The following LAMB4 variants were observed in gnomAD, a reference collection of about 807,000 sequenced individuals.
LAMB4 encodes laminin subunit beta-4.
A neutral mutation model predicts 199.2 loss-of-function variants in LAMB4; 196 were observed. The observed-to-expected ratio is 0.98, with a 90% confidence interval of 0.88 to 1.11. The LOEUF (loss-of-function observed/expected upper bound fraction) is 1.11, where lower values mean the gene tolerates loss of function less well. LAMB4 is among the 50% of genes least tolerant of loss of function. The pLI is 0.00. For synonymous variants in LAMB4, 744 were observed against 770.6 expected, an observed-to-expected ratio of 0.97 and a Z score of 0.57; for missense variants, 2,080 against 2,171.2, an observed-to-expected ratio of 0.96 and a Z score of 0.83.
Position 108,039,711 on chromosome 7 carries a change from C to T in LAMB4, c.4472-2116G>A, listed in dbSNP as rs529356997. ...CTCACACTCCTGAACTCATGTGATC[C>T]GCCTGCCTCGGCCTCCCAAAGTGCT... On this transcript the variant is annotated intron_variant, in intron 29 of 33. Transcript: ENST00000388781. Among the ~76,000 whole-genome samples, 13 of 152,214 alleles carry T rather than the reference C, an allele frequency of 8.5e-5. No homozygotes were observed. The East Asian group carries it at 1.9e-3, about 23-fold the overall frequency.
chr7:108,015,872 T>G, the LAMB4 span, among the ~76,000 whole-genome samples: 6 of 152,136 alleles, frequency 3.9e-5, no homozygotes, highest in Admixed American at 3.3e-4. Flanking sequence ...CCCCCCAGAT[T>G]ATACAGTTTT....
rs1327560665 is a variant in LAMB4 at position 108,094,596 on chromosome 7, A to C, written c.1470+632T>G. 2.0e-5 allele frequency among the ~76,000 whole-genome samples: 3 copies of C among 150,730 alleles called. No individual in the cohort carries two copies. In the East Asian group the frequency reaches 5.8e-4, roughly 29 times the overall value. Reference sequence around the variant, plus strand: ...TTGTGGGTTTTTTTTTTTTCTCTCTAAAATGTCATGGTGAGCTGCCAAGAT... The same window carrying C: ...TTGTGGGTTTTTTTTTTTTCTCTCTCAAATGTCATGGTGAGCTGCCAAGAT... On this transcript the variant is annotated intron_variant, in intron 12 of 33. Transcript: ENST00000388781.
chr7:108,038,229 G>A (rs2035295333), intron 29 of LAMB4, among the ~76,000 whole-genome samples: 2 of 151,602 alleles, frequency 1.3e-5, no homozygotes, highest in South Asian at 4.2e-4. Context: ...GCACAATCTC[G>A]GCTTACTGCA....
At chr7:108,065,685 T>A in intron 21 of LAMB4, 77 bp downstream of exon 21, 1 of 1,243,064 alleles carries the variant, frequency 8.0e-7, no homozygotes. Flanking sequence ...GACAGATAAG[T>A]CATGAATATA....
At chr7:108,078,977 A>G (rs1281533833) in intron 15 of LAMB4, among the ~76,000 whole-genome samples, 1 of 152,196 alleles carries the variant, frequency 6.6e-6, no homozygotes, top group Non-Finnish European at 1.5e-5. Flanking sequence ...GGGAGCCTCT[A>G]AGACCACACC....
chr7:108,122,433 A>G (rs1399376347), intron 2 of LAMB4, among the ~76,000 whole-genome samples: 1 of 152,172 alleles, frequency 6.6e-6, no homozygotes, highest in Admixed American at 6.5e-5. Context: ...ATGAGTGCTT[A>G]CCATCTGGAC....
intron 14 of LAMB4, among the ~76,000 whole-genome samples, chr7:108,084,408 A>C (rs964138615): frequency 9.9e-5 from 15 of 151,750 alleles, no homozygotes; most frequent in South Asian, 2.1e-4. Context: ...CCCATGCTTG[A>C]TTTAATGCTT....
intron 10 of LAMB4, among the ~76,000 whole-genome samples, chr7:108,099,471 G>C (rs772910013): frequency 6.6e-6 from 1 of 152,180 alleles, no homozygotes; most frequent in Non-Finnish European, 1.5e-5. Context: ...AAATAGTTAG[G>C]GGTGCCCAAT....
downstream of LAMB4, among the ~76,000 whole-genome samples, chr7:108,020,411 C>T (rs2034665784): frequency 7.1e-6 from 1 of 140,538 alleles, no homozygotes; most frequent in South Asian, 2.2e-4. Flanking sequence ...GCAGAGGTTG[C>T]AGTGAGCCGA....
intron 3 of LAMB4, among the ~76,000 whole-genome samples, chr7:108,112,651 ATT>A (rs1259616898): frequency 1.3e-5 from 2 of 152,198 alleles, no homozygotes; most frequent in Non-Finnish European, 2.9e-5. Flanking sequence ...AGTTTGCTTA[ATT>A]TAATGCATCT....
Position 108,055,813 on chromosome 7 carries a change from C to G in LAMB4, c.3574G>C (p.Ala1192Pro), listed in dbSNP as rs777632902. 2 of 1,614,190 alleles carry G rather than the reference C, an allele frequency of 1.2e-6. No homozygotes were observed. Among genetic ancestry groups the G allele is most frequent in the Non-Finnish European group, 1.7e-6 (2 of 1,180,034 alleles). ...WDHTISSLSK[A>P]VQGLMRLAAN... ...GCCAGTCTCATTAACCCTTGCACCG[C>G]TTTGGAGAGGGAAGAAATGGTGTGG... Residue 1192 changes from alanine to proline, a missense_variant, in exon 25 of 34, where the codon GCG becomes CCG. Ala to Pro is a conservative substitution (Grantham distance 27). Coordinates refer to ENST00000388781, the MANE Select transcript of LAMB4 (RefSeq NM_007356.3).
chr7:108,080,557 T>C (rs1489658785), intron 14 of LAMB4, among the ~76,000 whole-genome samples: 6 of 152,300 alleles, frequency 3.9e-5, no homozygotes, highest in Non-Finnish European at 7.4e-5. Flanking sequence ...AACAGAATAA[T>C]GCCCAAGTTA....
At chr7:108,114,001 C>T (rs2038323291) in intron 3 of LAMB4, among the ~76,000 whole-genome samples, 1 of 152,174 alleles carries the variant, frequency 6.6e-6, no homozygotes, top group Non-Finnish European at 1.5e-5. Context: ...AAGAAGCCTC[C>T]ACAGTTGGAG....
intron 14 of LAMB4, 51 bp from the exon 15 acceptor site, chr7:108,079,837 AG>A: frequency 2.8e-6 from 4 of 1,423,400 alleles, no homozygotes; most frequent in Non-Finnish European, 3.7e-6. Context: ...AAGGCCTGAA[AG>A]AGTTCAAGAA....
chr7:108,048,158 CTTTTTTTT>C, intron 27 of LAMB4, 47 bp from the exon 28 acceptor site: 25 of 462,466 alleles, frequency 5.4e-5, no homozygotes, highest in East Asian at 8.4e-5. Context: ...GTTGTCAGAG[CTTTTTTTT>C]TTTTTTTTTT....
chr7:108,031,338 AAAAAAAAAAG>A (rs1387845928), intron 31 of LAMB4, among the ~76,000 whole-genome samples: 17 of 144,182 alleles, frequency 1.2e-4, no homozygotes, highest in African/African-American at 3.1e-4. Flanking sequence ...TAACAAAAAA[AAAAAAAAAAG>A]AAAAAAAAGA....
At chr7:108,091,985 T>C (rs1250734326) in intron 13 of LAMB4, among the ~76,000 whole-genome samples, 3 of 151,804 alleles carry the variant, frequency 2.0e-5, no homozygotes, top group Non-Finnish European at 2.9e-5. Flanking sequence ...AGGCGGCCAC[T>C]TTCCCCACCC....
Position 108,116,057 on chromosome 7 carries a change from A to T in LAMB4, c.139T>A (p.Ser47Thr), listed in dbSNP as rs1041596863. The T allele has an allele frequency of 2.5e-6, 4 of 1,614,012 alleles. No individual in the cohort carries two copies. The highest frequency in any genetic ancestry group is 1.7e-5 in the Admixed American group (1 of 59,992). ...VGRNTQLMAS[S>T]TCGLSRAQKY... The stretch of plus-strand genomic sequence containing the variant: ...TGGGCTCTGCTCAGCCCACAGGTAG[A>T]AGAAGCCATAAGCTGCGTGTTCCTG... Residue 47 changes from serine to threonine, a missense_variant, in exon 3 of 34, where the codon TCT (serine) becomes ACT (threonine). Transcript: ENST00000388781.
the LAMB4 span, among the ~76,000 whole-genome samples, chr7:108,014,976 G>T: frequency 6.6e-6 from 1 of 152,114 alleles, no homozygotes; most frequent in Non-Finnish European, 1.5e-5. Flanking sequence ...CTAGTCTTGG[G>T]CTCCCAAAGT....
Sources: gnomAD v4.1 joint callset for allele counts (sites outside exome capture counted in the v4.1 genomes callset) on GRCh38, gnomAD v4.1.1 for gene constraint, MANE v1.5 for transcripts, NCBI Gene and HGNC (gene_info 2026-07-23, HGNC 2026-07-21) for gene names.